TAS2R1: variants seen among roughly 807,000 people sequenced by gnomAD.
TAS2R1 encodes the protein taste 2 receptor member 1.
For missense variants in TAS2R1, 370 were observed against 353.4 expected, an observed-to-expected ratio of 1.05 and a Z score of -0.38; for synonymous variants, 141 against 134.2, an observed-to-expected ratio of 1.05 and a Z score of -0.35.
the TAS2R1 span, among the ~76,000 whole-genome samples, chr5:9,832,361 T>C: frequency 1.3e-5 from 2 of 152,220 alleles, no homozygotes; most frequent in Non-Finnish European, 2.9e-5. Flanking sequence ...TCCTGAAATA[T>C]GATCTCAGAC....
At chr5:9,780,021 C>T in the TAS2R1 span, among the ~76,000 whole-genome samples, 2 of 152,218 alleles carry the variant, frequency 1.3e-5, no homozygotes, top group African/African-American at 2.4e-5. Flanking sequence ...TTTCTGTGTG[C>T]CACATACCCT....
chr5:9,795,256 A>G, the TAS2R1 span, among the ~76,000 whole-genome samples: 1 of 152,156 alleles, frequency 6.6e-6, no homozygotes, highest in African/African-American at 2.4e-5. Context: ...CTGGAGACAC[A>G]TGCACCTTAC....
intron 1 of TAS2R1, among the ~76,000 whole-genome samples, chr5:9,706,981 G>A (rs912464765): frequency 2.0e-5 from 3 of 152,040 alleles, no homozygotes; most frequent in Admixed American, 6.6e-5. Flanking sequence ...ATCCCAAAGC[G>A]TCCCCTGCAC....
At chr5:9,770,097 C>A in the TAS2R1 span, among the ~76,000 whole-genome samples, 1 of 152,058 alleles carries the variant, frequency 6.6e-6, no homozygotes, top group Admixed American at 6.6e-5. Context: ...TTTTATATGG[C>A]AAGATGGGGT....
the TAS2R1 span, among the ~76,000 whole-genome samples, chr5:9,837,108 A>G: frequency 9.9e-5 from 15 of 152,198 alleles, no homozygotes; most frequent in African/African-American, 3.6e-4. Flanking sequence ...GGAATACTGT[A>G]GAAGATGAAC....
At chr5:9,659,954 C>T (rs1197704674) in intron 1 of TAS2R1, 1 of 152,024 alleles carries the variant, frequency 6.6e-6, no homozygotes, top group Non-Finnish European at 1.5e-5. Context: ...TAATGAATAA[C>T]ACCAAGCATT....
intron 1 of TAS2R1, among the ~76,000 whole-genome samples, chr5:9,678,723 C>G (rs1740928220): frequency 6.6e-6 from 1 of 152,062 alleles, no homozygotes; most frequent in African/African-American, 2.4e-5. Context: ...CAAACGGGAG[C>G]TGACCGATGA....
the TAS2R1 span, among the ~76,000 whole-genome samples, chr5:9,878,242 T>C: frequency 6.6e-6 from 1 of 152,344 alleles, no homozygotes; most frequent in East Asian, 1.9e-4. Flanking sequence ...TGTTTTGTTG[T>C]TGAAGTACCA....
intron 1 of TAS2R1, among the ~76,000 whole-genome samples, chr5:9,711,534 C>G (rs770681794): frequency 6.6e-6 from 1 of 152,022 alleles, no homozygotes; most frequent in East Asian, 1.9e-4. Context: ...GGGAGGTGTT[C>G]GATAGGTCTA....
At chr5:9,647,832 A>G (rs1740222861) in intron 2 of TAS2R1, among the ~76,000 whole-genome samples, 1 of 152,134 alleles carries the variant, frequency 6.6e-6, no homozygotes, top group African/African-American at 2.4e-5. Flanking sequence ...TTTATTATCT[A>G]TTCTCCCTGC....
At chr5:9,691,479 TGAAGGAGGCTTGCC>T (rs1287339452) in intron 1 of TAS2R1, among the ~76,000 whole-genome samples, 1 of 152,278 alleles carries the variant, frequency 6.6e-6, no homozygotes, top group Non-Finnish European at 1.5e-5. Context: ...GCATTCAGGC[TGAAGGAGGCTTGCC>T]AAAGCCAGTC....
the TAS2R1 span, among the ~76,000 whole-genome samples, chr5:9,811,375 A>G: frequency 2.6e-5 from 4 of 152,178 alleles, no homozygotes; most frequent in Admixed American, 1.3e-4. Context: ...TTTTTCTTAC[A>G]TATTTTAAAA....
At chr5:9,772,882 T>A in the TAS2R1 span, among the ~76,000 whole-genome samples, 3 of 152,240 alleles carry the variant, frequency 2.0e-5, no homozygotes, top group East Asian at 5.8e-4. Context: ...AGTCTATGTG[T>A]TCTTTATAGA....
the TAS2R1 span, among the ~76,000 whole-genome samples, chr5:9,726,063 G>A: frequency 6.6e-6 from 1 of 150,870 alleles, no homozygotes; most frequent in Admixed American, 6.6e-5. Flanking sequence ...TCGACACCCT[G>A]TATCTAACTA....
chr5:9,700,982 G>A (rs529973730), intron 1 of TAS2R1, among the ~76,000 whole-genome samples: 2 of 152,210 alleles, frequency 1.3e-5, no homozygotes, highest in East Asian at 3.9e-4. Flanking sequence ...GTGAAGTGTG[G>A]GGACACAATT....
At chr5:9,883,326 C>A in the TAS2R1 span, 4,368 of 152,278 alleles carry the variant, frequency 0.029, 191 homozygotes, top group African/African-American at 0.097. Flanking sequence ...CCATGGCACA[C>A]ATTTACCTGT....
chr5:9,654,707 G>C (rs1561370450), intron 2 of TAS2R1, among the ~76,000 whole-genome samples: 2 of 152,148 alleles, frequency 1.3e-5, no homozygotes, highest in Non-Finnish European at 2.9e-5. Context: ...GATAAAGTTA[G>C]GTTCCCATTG....
At chr5:9,722,529 G>A in the TAS2R1 span, among the ~76,000 whole-genome samples, 898 of 152,266 alleles carry the variant, frequency 5.9e-3, 8 homozygotes, top group African/African-American at 0.021. Flanking sequence ...TTGGAGCAGG[G>A]GTTGTTGTGG....
At chr5:9,837,546 G>C in the TAS2R1 span, among the ~76,000 whole-genome samples, 22 of 152,302 alleles carry the variant, frequency 1.4e-4, no homozygotes, top group South Asian at 3.3e-3. Context: ...AGAATGGAGC[G>C]ATGGCCCCTC....
Sources: gnomAD v4.1 joint callset for allele counts (sites outside exome capture counted in the v4.1 genomes callset) on GRCh38, gnomAD v4.1.1 for gene constraint, MANE v1.5 for transcripts, NCBI Gene and HGNC (gene_info 2026-07-23, HGNC 2026-07-21) for gene names.